The following KCNS3 variants were observed in gnomAD, a reference collection of about 807,000 sequenced individuals.
The protein encoded by KCNS3 is potassium voltage-gated channel modifier subfamily S member 3, also known as delayed-rectifier potassium channel regulatory subunit KCNS3.
KCNS3 carries 13 observed loss-of-function variants against 31.0 expected under a neutral mutation model. That is an observed-to-expected ratio of 0.42 (90% CI 0.27 to 0.67). KCNS3 has a LOEUF of 0.67. KCNS3 is among the 30% of genes least tolerant of loss of function. The probability of loss-of-function intolerance (pLI) is 0.25; values close to 1 mark genes in which losing one functional copy is unlikely to be tolerated. For missense variants in KCNS3, 545 were observed against 622.4 expected, an observed-to-expected ratio of 0.88 and a Z score of 1.32; for synonymous variants, 238 against 241.5, an observed-to-expected ratio of 0.99 and a Z score of 0.13.
intron 1 of KCNS3, among the ~76,000 whole-genome samples, chr2:17,884,293 A>ATATATATATATATATG (rs1674719188): frequency 7.4e-6 from 1 of 135,658 alleles, no homozygotes; most frequent in East Asian, 2.8e-4. Flanking sequence ...ATATATATAT[A>ATATATATATATATATG]TATATATATA....
chr2:17,888,651 A>ATATATATC (rs1661761022), intron 1 of KCNS3, among the ~76,000 whole-genome samples: 1 of 133,512 alleles, frequency 7.5e-6, no homozygotes, highest in African/African-American at 2.7e-5. Context: ...ATATATATAT[A>ATATATATC]TATATATATA....
chr2:17,924,859 T>C (rs1223593548), intron 2 of KCNS3, among the ~76,000 whole-genome samples: 1 of 152,206 alleles, frequency 6.6e-6, no homozygotes, highest in African/African-American at 2.4e-5. Context: ...ACTAGCTTCA[T>C]AGAAGGAGCT....
intron 1 of KCNS3, among the ~76,000 whole-genome samples, chr2:17,901,729 C>T (rs1038128538): frequency 1.3e-5 from 2 of 152,054 alleles, no homozygotes; most frequent in Non-Finnish European, 2.9e-5. Flanking sequence ...CAGATTGTGT[C>T]CAGGCTGCAG....
chr2:17,922,868 T>A (rs1662749203), intron 2 of KCNS3, among the ~76,000 whole-genome samples: 1 of 152,212 alleles, frequency 6.6e-6, no homozygotes, highest in Non-Finnish European at 1.5e-5. Context: ...ATTTAGATTA[T>A]CTCCCCTTTT....
intron 1 of KCNS3, among the ~76,000 whole-genome samples, chr2:17,896,384 C>T (rs1481856887): frequency 6.6e-6 from 1 of 151,990 alleles, no homozygotes; most frequent in Non-Finnish European, 1.5e-5. Context: ...GTCCCTCTAG[C>T]CATCCACGGA....
intron 1 of KCNS3, among the ~76,000 whole-genome samples, chr2:17,884,932 G>GTTTTTTTTTTT (rs55738585): frequency 2.3e-5 from 3 of 127,996 alleles, no homozygotes; most frequent in African/African-American, 8.6e-5. Flanking sequence ...CTTCCCTGTT[G>GTTTTTTTTTTT]TTTTTTTTTT....
rs1243288788 is a variant in KCNS3 at position 17,931,229 on chromosome 2, C to G, written c.221C>G (p.Ser74Cys). ...GAGTACTACTTTGATCGGAATCCCT[C>G]CTTGTTCAGATATGTTTTGAATTTT... The part of the protein sequence containing the change: ...DKEYYFDRNP[S>C]LFRYVLNFYY... Residue 74 changes from serine (S) to cysteine (C), a missense_variant, in exon 3 of 3, where the codon TCC becomes TGC. Transcript: ENST00000304101. The surrounding 1 kb of genome is among the most constrained non-coding windows in gnomAD (Gnocchi z 5.4). 1.2e-6 allele frequency: 2 copies of G among 1,614,118 alleles called. No homozygotes were observed. Among genetic ancestry groups the G allele is most frequent in the South Asian group, 1.1e-5 (1 of 91,080 alleles).
intron 1 of KCNS3, among the ~76,000 whole-genome samples, chr2:17,898,055 G>A (rs1481396308): frequency 3.3e-5 from 5 of 152,114 alleles, no homozygotes; most frequent in African/African-American, 1.2e-4. Flanking sequence ...ATTGATTAGG[G>A]AGTCCTTTCC....
At chr2:17,901,940 A>G (rs1662186838) in intron 1 of KCNS3, among the ~76,000 whole-genome samples, 1 of 152,210 alleles carries the variant, frequency 6.6e-6, no homozygotes, top group Non-Finnish European at 1.5e-5. Context: ...CCTAGTAGTT[A>G]CAGTGGCCAG....
intron 1 of KCNS3, among the ~76,000 whole-genome samples, chr2:17,915,974 C>T (rs933720423): frequency 2.0e-5 from 3 of 152,082 alleles, no homozygotes; most frequent in Non-Finnish European, 4.4e-5. Flanking sequence ...CCATTACATA[C>T]CAGTGCTATA....
chr2:17,897,798 A>C (rs1662067577), intron 1 of KCNS3, among the ~76,000 whole-genome samples: 1 of 152,120 alleles, frequency 6.6e-6, no homozygotes, highest in Admixed American at 6.5e-5. Context: ...CTAGTCAATT[A>C]TTTTTGTTAA....
At chr2:17,885,355 A>T (rs1558445600) in intron 1 of KCNS3, among the ~76,000 whole-genome samples, 1 of 152,190 alleles carries the variant, frequency 6.6e-6, no homozygotes, top group African/African-American at 2.4e-5. Context: ...TAAAAAGATG[A>T]TAAGAGAGGT....
At chr2:17,924,114 T>C (rs975335564) in intron 2 of KCNS3, among the ~76,000 whole-genome samples, 4 of 152,032 alleles carry the variant, frequency 2.6e-5, no homozygotes, top group Non-Finnish European at 4.4e-5. Context: ...TTTATTTTTC[T>C]GGATGCTATT....
chr2:17,892,484 A>AT (rs2125235782), intron 1 of KCNS3, among the ~76,000 whole-genome samples: 1 of 152,040 alleles, frequency 6.6e-6, no homozygotes, highest in African/African-American at 2.4e-5. Context: ...AACTAGTGTG[A>AT]TTTTTTGGGG....
intron 1 of KCNS3, among the ~76,000 whole-genome samples, chr2:17,906,039 C>A (rs531416627): frequency 6.6e-6 from 1 of 152,276 alleles, no homozygotes; most frequent in South Asian, 2.1e-4. Context: ...AGGAATGGTA[C>A]CAGCTCCTCC....
chr2:17,929,925 G>A (rs1254247346), intron 2 of KCNS3, among the ~76,000 whole-genome samples: 1 of 152,178 alleles, frequency 6.6e-6, no homozygotes, highest in Non-Finnish European at 1.5e-5. Flanking sequence ...ATGACATAAT[G>A]TGTAAAGGCC....
In KCNS3 at chr2:17,921,938, T is replaced by C. The variant is rs965455679; in HGVS notation, c.-60+4067T>C. 2.4e-4 allele frequency among the ~76,000 whole-genome samples: 20 copies of C among 84,552 alleles called. 3 individuals are homozygous for C. The highest frequency in any genetic ancestry group is 7.3e-4 in the African/African-American group (16 of 21,974). The allele number at this position is 84,552 out of a possible 152,430, so 55.5% of individuals were successfully genotyped here. A position where few individuals can be genotyped will look rare whatever the true frequency, so the allele number is the denominator to read the frequency against. On this transcript the variant is annotated intron_variant, in intron 2 of 2. Transcript: ENST00000304101. ...GTGTATATATATATATATATATATA[T>C]ATATATATATATATATATATAAATA...
rs759223621 is a variant in KCNS3, at chr2:17,931,830, C to T, written c.822C>T (p.Thr274=). Residue 274 remains threonine (T), a synonymous_variant, in exon 3 of 3, where the codon ACC becomes ACT. Coordinates refer to ENST00000304101, the MANE Select transcript of KCNS3 (RefSeq NM_002252.5). This position sits in a 1 kb window ranked among gnomAD's most constrained non-coding sequence, Gnocchi z 5.4. ...TCTATGCCACGTTGGCTGTAGACAC[C>T]AAGGAGGAAGAGAGTGAGGATATTG... is the stretch of plus-strand genomic sequence containing the variant. The part of the protein sequence containing the change: ...IPFYATLAVD[T]KEEESEDIEN... 3 of 1,613,992 alleles carry T rather than the reference C, an allele frequency of 1.9e-6. No individual in the cohort carries two copies. In the African/African-American group the frequency reaches 4.0e-5, roughly 22 times the overall value.
intron 1 of KCNS3, among the ~76,000 whole-genome samples, chr2:17,902,220 CA>C (rs1662192893): frequency 6.6e-6 from 1 of 151,836 alleles, no homozygotes; most frequent in African/African-American, 2.4e-5. Context: ...ATGCCCTTAG[CA>C]AAAACGCTTA....
Sources: gnomAD v4.1 joint callset for allele counts (sites outside exome capture counted in the v4.1 genomes callset) on GRCh38, gnomAD v4.1.1 for gene constraint, Gnocchi (gnomAD v3.1) non-coding constraint, MANE v1.5 for transcripts, NCBI Gene and HGNC (gene_info 2026-07-23, HGNC 2026-07-21) for gene names.